B3GALT1: variants seen among roughly 807,000 people sequenced by gnomAD.
The protein encoded by B3GALT1 is UDP-Gal:betaGlcNAc beta 1,3-galactosyltransferase, polypeptide 1.
In B3GALT1, 10 loss-of-function variants were observed where a neutral mutation model predicts 23.2. That is an observed-to-expected ratio of 0.43 (90% CI 0.27 to 0.73). B3GALT1 has a LOEUF of 0.73. B3GALT1 is among the 30% of genes least tolerant of loss of function. The pLI is 0.21. For synonymous variants in B3GALT1, 156 were observed against 141.5 expected, an observed-to-expected ratio of 1.10 and a Z score of -0.73; for missense variants, 299 against 405.4, an observed-to-expected ratio of 0.74 and a Z score of 2.25.
chr2:167,668,794 G>A (rs1006677616), intron 3 of B3GALT1, among the ~76,000 whole-genome samples: 19 of 152,282 alleles, frequency 1.2e-4, no homozygotes, highest in East Asian at 1.9e-4. Flanking sequence ...GCAATGCCTC[G>A]CCCTGCTTCG....
intron 1 of B3GALT1, among the ~76,000 whole-genome samples, chr2:167,393,144 G>A (rs1480859805): frequency 6.6e-6 from 1 of 151,886 alleles, no homozygotes; most frequent in Non-Finnish European, 1.5e-5. Context: ...TGAGGCAGGA[G>A]AATGGCGTGA....
At chr2:167,413,895 C>T (rs1382531920) in intron 1 of B3GALT1, among the ~76,000 whole-genome samples, 1 of 151,930 alleles carries the variant, frequency 6.6e-6, no homozygotes, top group South Asian at 2.1e-4. Context: ...AAAAGGAATA[C>T]ATTCTAATTT....
At chr2:167,446,290 C>T (rs1457412786) in intron 1 of B3GALT1, among the ~76,000 whole-genome samples, 1 of 152,174 alleles carries the variant, frequency 6.6e-6, no homozygotes, top group South Asian at 2.1e-4. Context: ...TCTGGCTTCC[C>T]TTAACATTTT....
chr2:167,404,012 T>C (rs761193689), intron 1 of B3GALT1, among the ~76,000 whole-genome samples: 9 of 152,220 alleles, frequency 5.9e-5, no homozygotes, highest in Middle Eastern at 3.4e-3. Context: ...GGCTGAGTAA[T>C]TGTGAAGAAG....
intron 3 of B3GALT1, among the ~76,000 whole-genome samples, chr2:167,781,670 G>A (rs1175884953): frequency 6.6e-6 from 1 of 152,182 alleles, no homozygotes; most frequent in African/African-American, 2.4e-5. Flanking sequence ...ATGGACCATG[G>A]TCAGTGTCTT....
At chr2:167,702,853 C>T (rs1686902559) in intron 3 of B3GALT1, among the ~76,000 whole-genome samples, 1 of 152,178 alleles carries the variant, frequency 6.6e-6, no homozygotes, top group African/African-American at 2.4e-5. Flanking sequence ...ACAAAAGAAA[C>T]ATTACAAAGC....
chr2:167,780,485 C>G (rs976739912), intron 3 of B3GALT1, among the ~76,000 whole-genome samples: 5 of 152,200 alleles, frequency 3.3e-5, no homozygotes, highest in African/African-American at 1.2e-4. Context: ...CAGGCACTTT[C>G]AAATAGGTAG....
chr2:167,670,228 C>G (rs754252140), intron 3 of B3GALT1, among the ~76,000 whole-genome samples: 2 of 152,174 alleles, frequency 1.3e-5, no homozygotes, highest in Non-Finnish European at 2.9e-5. Context: ...CTTCAGAGCA[C>G]TACCCTAGGA....
At chr2:167,686,857 T>G (rs994806350) in intron 3 of B3GALT1, among the ~76,000 whole-genome samples, 1 of 152,184 alleles carries the variant, frequency 6.6e-6, no homozygotes, top group Admixed American at 6.5e-5. Flanking sequence ...TCTGCCGTGC[T>G]CATTCCTGAG....
intron 1 of B3GALT1, among the ~76,000 whole-genome samples, chr2:167,328,401 AT>A (rs1696927618): frequency 6.6e-6 from 1 of 152,044 alleles, no homozygotes; most frequent in Non-Finnish European, 1.5e-5. Flanking sequence ...CTCACTACTC[AT>A]TTTTTGTCTA....
chr2:167,684,256 G>A (rs986113521), intron 3 of B3GALT1, among the ~76,000 whole-genome samples: 4 of 152,154 alleles, frequency 2.6e-5, no homozygotes, highest in African/African-American at 9.6e-5. Flanking sequence ...GTGAATCAAT[G>A]ATTTGTGTAT....
At chr2:167,383,136 T>C (rs74956505) in intron 1 of B3GALT1, among the ~76,000 whole-genome samples, 2,195 of 152,142 alleles carry the variant, frequency 0.014, 55 homozygotes, top group African/African-American at 0.05. Context: ...AATTTTGTTT[T>C]AAAGTTGGAT....
chr2:167,344,783 A>G (rs1697204042), intron 1 of B3GALT1, among the ~76,000 whole-genome samples: 1 of 152,186 alleles, frequency 6.6e-6, no homozygotes, highest in Non-Finnish European at 1.5e-5. Context: ...ATACAAATGA[A>G]GTTCAGAGAA....
chr2:167,677,431 C>G (rs540795122), intron 3 of B3GALT1, among the ~76,000 whole-genome samples: 1 of 152,314 alleles, frequency 6.6e-6, no homozygotes, highest in East Asian at 1.9e-4. Flanking sequence ...CTAGAACTGG[C>G]GTAAGCACCA....
intron 4 of B3GALT1, among the ~76,000 whole-genome samples, chr2:167,824,156 G>T (rs1689164850): frequency 6.6e-6 from 1 of 152,122 alleles, no homozygotes; most frequent in Admixed American, 6.5e-5. Context: ...TCATTTTCAG[G>T]AATTAAAAGA....
intron 3 of B3GALT1, among the ~76,000 whole-genome samples, chr2:167,763,129 T>TA (rs1176767723): frequency 2.0e-5 from 3 of 152,220 alleles, no homozygotes; most frequent in Non-Finnish European, 4.4e-5. Context: ...TATTTATTGT[T>TA]AAAACAATTT....
At chr2:167,460,791 A>T (rs918089737) in intron 1 of B3GALT1, among the ~76,000 whole-genome samples, 3 of 152,092 alleles carry the variant, frequency 2.0e-5, no homozygotes, top group African/African-American at 7.2e-5. Context: ...TTATTTTGTA[A>T]GTTAAAAAAG....
At chr2:167,364,413 G>A (rs1309716329) in intron 1 of B3GALT1, among the ~76,000 whole-genome samples, 2 of 151,148 alleles carry the variant, frequency 1.3e-5, no homozygotes, top group African/African-American at 4.9e-5. Flanking sequence ...TGTTACATAT[G>A]TATACATGTG....
intron 2 of B3GALT1, among the ~76,000 whole-genome samples, chr2:167,539,915 A>T (rs1231759888): frequency 6.6e-6 from 1 of 152,054 alleles, no homozygotes; most frequent in East Asian, 1.9e-4. Context: ...ATCAATAATA[A>T]TTTTTTTCTC....
Sources: gnomAD v4.1 joint callset for allele counts (sites outside exome capture counted in the v4.1 genomes callset) on GRCh38, gnomAD v4.1.1 for gene constraint, MANE v1.5 for transcripts, NCBI Gene and HGNC (gene_info 2026-07-23, HGNC 2026-07-21) for gene names.